Variants in PSTPIP2 observed in about 807,000 individuals in gnomAD.
PSTPIP2 encodes the protein proline-serine-threonine phosphatase interacting protein 2.
PSTPIP2 carries 33 observed loss-of-function variants against 63.3 expected under a neutral mutation model. That is an observed-to-expected ratio of 0.52 (90% CI 0.40 to 0.70). The LOEUF is 0.70. Among genes scored for constraint, PSTPIP2 ranks in the 30% least tolerant of loss-of-function variants. The pLI is 0.00. For synonymous variants in PSTPIP2, 125 were observed against 132.7 expected, an observed-to-expected ratio of 0.94 and a Z score of 0.40; for missense variants, 312 against 400.7, an observed-to-expected ratio of 0.78 and a Z score of 1.89.
At chr18:46,032,902 C>G (rs1259776680) in intron 2 of PSTPIP2, among the ~76,000 whole-genome samples, 1 of 152,084 alleles carries the variant, frequency 6.6e-6, no homozygotes, top group Non-Finnish European at 1.5e-5. Context: ...CAGGTTGCCC[C>G]AAAATCAGAG....
intron 1 of PSTPIP2, among the ~76,000 whole-genome samples, chr18:46,057,866 C>T (rs915516593): frequency 3.2e-4 from 49 of 151,674 alleles, no homozygotes; most frequent in African/African-American, 1.2e-3. Flanking sequence ...GGCGTGGTGG[C>T]GGGCGCCTGT....
At chr18:46,045,182 AATC>A (rs1364395283) in intron 1 of PSTPIP2, among the ~76,000 whole-genome samples, 2 of 152,208 alleles carry the variant, frequency 1.3e-5, no homozygotes, top group African/African-American at 4.8e-5. Context: ...GGACTATATA[AATC>A]ATGCTGCTAT....
At chr18:46,057,723 C>T (rs1428972890) in intron 1 of PSTPIP2, among the ~76,000 whole-genome samples, 2 of 152,036 alleles carry the variant, frequency 1.3e-5, no homozygotes, top group African/African-American at 4.8e-5. Context: ...ATAGGCCAGG[C>T]GTGGTGGCTC....
chr18:46,015,900 T>TA lies in PSTPIP2; in HGVS notation c.247+2dup, dbSNP rs2051848178. 5 of 1,611,316 alleles carry TA rather than the reference T, an allele frequency of 3.1e-6. No homozygotes were observed. Among genetic ancestry groups the TA allele is most frequent in the African/African-American group, 1.3e-5 (1 of 74,676 alleles). ...TACATTTTTTAAAAAAAAAATCACT[T>TA]ACGCTGCTTGAAGACTTCAAGGGCC... is the stretch of plus-strand genomic sequence containing the variant. On this transcript the variant is annotated splice_region_variant and intron_variant, in intron 4 of 14. Transcript: ENST00000409746.
intron 2 of PSTPIP2, among the ~76,000 whole-genome samples, chr18:46,031,138 A>T (rs770274928): frequency 6.6e-6 from 1 of 151,998 alleles, no homozygotes; most frequent in Admixed American, 6.6e-5. Flanking sequence ...CCTTTGGGTA[A>T]ATTTTCTACT....
chr18:46,009,535 G>A (rs575263522), intron 5 of PSTPIP2, among the ~76,000 whole-genome samples: 2 of 152,318 alleles, frequency 1.3e-5, no homozygotes, highest in East Asian at 3.9e-4. Context: ...AGGGAACTTA[G>A]AGGGTGGCAG....
intron 10 of PSTPIP2, among the ~76,000 whole-genome samples, chr18:45,992,566 A>C (rs946830973): frequency 2.0e-5 from 3 of 151,486 alleles, no homozygotes; most frequent in African/African-American, 4.9e-5. Flanking sequence ...CCGTCTCAAA[A>C]AAAAAAACAA....
chr18:45,985,961 G>C (rs1402564184), intron 14 of PSTPIP2, among the ~76,000 whole-genome samples: 1 of 152,062 alleles, frequency 6.6e-6, no homozygotes, highest in Admixed American at 6.6e-5. Flanking sequence ...ATTTTTAGTA[G>C]AGATAGGGTT....
At chr18:46,060,648 C>T (rs1428990820) in intron 1 of PSTPIP2, among the ~76,000 whole-genome samples, 4 of 152,236 alleles carry the variant, frequency 2.6e-5, no homozygotes, top group African/African-American at 7.2e-5. Flanking sequence ...AATCACAATT[C>T]CCTCTAAATG....
At chr18:46,032,971 A>G (rs1907837203) in intron 2 of PSTPIP2, among the ~76,000 whole-genome samples, 4 of 152,288 alleles carry the variant, frequency 2.6e-5, no homozygotes, top group South Asian at 2.1e-4. Flanking sequence ...ATTTTGCTCA[A>G]TTTTACTGTA....
chr18:46,030,887 A>T (rs1379777162), intron 2 of PSTPIP2, among the ~76,000 whole-genome samples: 1 of 152,178 alleles, frequency 6.6e-6, no homozygotes, highest in East Asian at 1.9e-4. Context: ...GCCATCCCAA[A>T]TTTCCCCTGA....
At chr18:46,053,892 C>A (rs1436592517) in intron 1 of PSTPIP2, among the ~76,000 whole-genome samples, 1 of 152,178 alleles carries the variant, frequency 6.6e-6, no homozygotes, top group Non-Finnish European at 1.5e-5. Context: ...ATGACTCCAA[C>A]TACAATCATA....
At chr18:45,995,485 G>A (rs2051584827) in intron 9 of PSTPIP2, among the ~76,000 whole-genome samples, 1 of 152,154 alleles carries the variant, frequency 6.6e-6, no homozygotes, top group Non-Finnish European at 1.5e-5. Flanking sequence ...ATTAAAAAAT[G>A]GCCTCATTCT....
At chr18:46,007,113 TG>T (rs1310415844) in intron 5 of PSTPIP2, among the ~76,000 whole-genome samples, 1 of 152,126 alleles carries the variant, frequency 6.6e-6, no homozygotes, top group African/African-American at 2.4e-5. Context: ...TGTGCAAAAA[TG>T]ATATAACATT....
intron 4 of PSTPIP2, 128 bp from the exon 5 acceptor site, chr18:46,011,415 T>C (rs2051795562): frequency 2.7e-6 from 2 of 728,822 alleles, no homozygotes; most frequent in Non-Finnish European, 4.5e-6. Context: ...TCACTTCATT[T>C]GGTCACCAAC....
intron 1 of PSTPIP2, among the ~76,000 whole-genome samples, chr18:46,055,722 C>T (rs939278962): frequency 1.3e-5 from 2 of 152,228 alleles, no homozygotes; most frequent in Non-Finnish European, 2.9e-5. Context: ...TCATTTCCTG[C>T]ACCTTCCCCC....
intron 2 of PSTPIP2, among the ~76,000 whole-genome samples, chr18:46,027,953 G>T (rs543716708): frequency 2.7e-4 from 41 of 152,310 alleles, no homozygotes; most frequent in Middle Eastern, 3.4e-3. Context: ...TTGAAGACAG[G>T]AGTTTGAGAC....
At chr18:46,013,365 C>T (rs1159987671) in intron 4 of PSTPIP2, among the ~76,000 whole-genome samples, 1 of 152,250 alleles carries the variant, frequency 6.6e-6, no homozygotes. Context: ...CAACTAGCTA[C>T]AGAAACACTT....
chr18:46,016,164 C>T (rs670428), intron 3 of PSTPIP2: 12,675 of 521,592 alleles, frequency 0.024, 1,237 homozygotes, highest in African/African-American at 0.21. Flanking sequence ...GAGCAACATG[C>T]CAAAACTCTT....
Sources: gnomAD v4.1 joint callset for allele counts (sites outside exome capture counted in the v4.1 genomes callset) on GRCh38, gnomAD v4.1.1 for gene constraint, MANE v1.5 for transcripts, NCBI Gene and HGNC (gene_info 2026-07-23, HGNC 2026-07-21) for gene names.